KIAA0232: variants seen among roughly 807,000 people sequenced by gnomAD.
KIAA0232 encodes uncharacterized protein KIAA0232.
In KIAA0232, 27 loss-of-function variants were observed where a neutral mutation model predicts 122.0. The ratio of observed to expected loss-of-function variants is 0.22; its 90% CI spans 0.16 to 0.31. The LOEUF (loss-of-function observed/expected upper bound fraction) is 0.31. Among genes scored for constraint, KIAA0232 ranks in the 10% least tolerant of loss-of-function variants. KIAA0232 has a pLI of 1.00. For missense variants in KIAA0232, 1,551 were observed against 1,634.2 expected, an observed-to-expected ratio of 0.95 and a Z score of 0.88; for synonymous variants, 613 against 587.6, an observed-to-expected ratio of 1.04 and a Z score of -0.63.
chr4:6,861,923 T>A lies in KIAA0232; in HGVS notation c.1541T>A (p.Ile514Asn), dbSNP rs1720891396. 6.2e-7 allele frequency: 1 copy of A among 1,613,932 alleles called. No individual in the cohort carries two copies. Among genetic ancestry groups the A allele is most frequent in the African/African-American group, 1.3e-5 (1 of 74,924 alleles). Residue 514 changes from isoleucine (I) to asparagine (N), a missense_variant, in exon 7 of 10, where the codon ATT becomes AAT. This residue lies in a region of KIAA0232 where 1,108 missense variants were observed against 1,154.8 expected (regional missense o/e 0.96). Coordinates refer to ENST00000307659, the MANE Select transcript of KIAA0232 (RefSeq NM_014743.3). ...SELTHFYEVDIDQSMLDPGAS... is the reference protein window; with the variant it reads ...SELTHFYEVDNDQSMLDPGAS... ...TTAACGCACTTCTATGAAGTGGATATTGATCAATCCATGTTGGATCCTGGT... is the reference window on the plus strand; with the variant it reads ...TTAACGCACTTCTATGAAGTGGATAATGATCAATCCATGTTGGATCCTGGT...
intron 4 of KIAA0232, among the ~76,000 whole-genome samples, chr4:6,849,049 G>C (rs1483567895): frequency 6.6e-6 from 1 of 152,222 alleles, no homozygotes; most frequent in South Asian, 2.1e-4. Flanking sequence ...GTTTGGAGAG[G>C]AGTAGTGCAA....
At chr4:6,790,392 C>CTTTT (rs10532360) in intron 1 of KIAA0232, among the ~76,000 whole-genome samples, 14 of 109,370 alleles carry the variant, frequency 1.3e-4, no homozygotes, top group Non-Finnish European at 1.9e-4. Context: ...TAAAAAAGGT[C>CTTTT]TTTTTTTTTT....
chr4:6,792,361 G>A (rs1455584472), intron 1 of KIAA0232, among the ~76,000 whole-genome samples: 4 of 151,948 alleles, frequency 2.6e-5, no homozygotes, highest in East Asian at 1.9e-4. Flanking sequence ...ACTTTCATGA[G>A]TAACCACCTT....
intron 3 of KIAA0232, among the ~76,000 whole-genome samples, chr4:6,831,372 TAGA>T (rs1176231112): frequency 6.6e-6 from 1 of 152,196 alleles, no homozygotes; most frequent in Non-Finnish European, 1.5e-5. Context: ...TGTCTTTTTC[TAGA>T]AGTTTTTTCT....
Position 6,861,274 on chromosome 4 carries a change from A to G in KIAA0232, c.892A>G (p.Ser298Gly). The change falls in exon 7 of 10, where the codon AGT (serine) becomes GGT (glycine). Residue 298 changes from serine to glycine, a missense_variant. Ser to Gly is a moderately conservative substitution (Grantham distance 56, BLOSUM62 0). Around this residue, in one of 5 missense-constraint regions of KIAA0232, gnomAD observed 377 missense variants for 381.7 expected, o/e 0.99. Coordinates refer to ENST00000307659, the MANE Select transcript of KIAA0232 (RefSeq NM_014743.3). ...TTCTGGCTCCAGTGAAGCAGGCTCA[A>G]GTTCCAGTGGGAATCAGGGAGAATT... ...WSSGSSEAGSSSSGNQGELKA... is the reference protein window; with the variant it reads ...WSSGSSEAGSGSSGNQGELKA... The G allele has an allele frequency of 1.9e-6, 3 of 1,614,182 alleles. No homozygotes were observed. The highest frequency in any genetic ancestry group is 2.5e-6 in the Non-Finnish European group (3 of 1,180,044).
intron 2 of KIAA0232, among the ~76,000 whole-genome samples, chr4:6,812,456 T>G (rs1368926147): frequency 4.6e-5 from 7 of 152,000 alleles, no homozygotes; most frequent in Non-Finnish European, 1.0e-4. Flanking sequence ...AGGCAGAATA[T>G]GAAAGTATAT....
chr4:6,863,510 A>T lies in KIAA0232; in HGVS notation c.3128A>T (p.Asp1043Val). 1 of 1,614,168 alleles carries T rather than the reference A, an allele frequency of 6.2e-7. No individual in the cohort carries two copies. The highest frequency in any genetic ancestry group is 8.5e-7 in the Non-Finnish European group (1 of 1,180,026). Residue 1043 changes from aspartate (D) to valine (V), a missense_variant, in exon 7 of 10, where the codon GAC becomes GTC. By Grantham distance (152) the Asp-to-Val change is radical. Around this residue, in one of 5 missense-constraint regions of KIAA0232, gnomAD observed 1,108 missense variants for 1,154.8 expected, o/e 0.96. Coordinates refer to ENST00000307659, the MANE Select transcript of KIAA0232 (RefSeq NM_014743.3). ...CTTGAATACTCATTTTCTTCCTTTG[A>T]CTTAAGCAATCCATTTTCACAAGTT... ...PGLEYSFSSF[D>V]LSNPFSQVLH...
intron 1 of KIAA0232, among the ~76,000 whole-genome samples, chr4:6,797,875 C>T (rs1041626076): frequency 3.3e-5 from 5 of 151,196 alleles, no homozygotes; most frequent in Admixed American, 1.3e-4. Flanking sequence ...ATCGAGACCA[C>T]GGTGAAACCC....
chr4:6,857,259 T>C, intron 5 of KIAA0232, 29 bp downstream of exon 5: 2 of 1,579,844 alleles, frequency 1.3e-6, no homozygotes, highest in Non-Finnish European at 8.6e-7. Context: ...TGCGCACACA[T>C]GCCAGGATTA....
chr4:6,794,691 T>C (rs1264532690), intron 1 of KIAA0232, among the ~76,000 whole-genome samples: 1 of 151,980 alleles, frequency 6.6e-6, no homozygotes, highest in Non-Finnish European at 1.5e-5. Context: ...GGAGAGCAAG[T>C]GAAAGGCCTT....
intron 1 of KIAA0232, among the ~76,000 whole-genome samples, chr4:6,795,702 C>G (rs956334742): frequency 2.6e-5 from 4 of 152,174 alleles, no homozygotes; most frequent in African/African-American, 4.8e-5. Context: ...AAGTAGTCCT[C>G]CCATTTCAGC....
In KIAA0232 at chr4:6,793,136, A is replaced by G. The variant is rs547274420; in HGVS notation, c.-354+10295A>G. 3.3e-5 allele frequency among the ~76,000 whole-genome samples: 5 copies of G among 152,248 alleles called. No individual in the cohort carries two copies. The South Asian group carries it at 1.0e-3, about 32-fold the overall frequency. On this transcript the variant is annotated intron_variant, in intron 1 of 9. Coordinates refer to ENST00000307659, the MANE Select transcript of KIAA0232 (RefSeq NM_014743.3). ...CTAATCCTGTTCCCTGTGAGTGACT[A>G]CCATTAACATTACCTAATGTTAACT...
At chr4:6,795,481 CATTA>C (rs1326420089) in intron 1 of KIAA0232, among the ~76,000 whole-genome samples, 58 of 152,262 alleles carry the variant, frequency 3.8e-4, no homozygotes, top group African/African-American at 1.3e-3. Context: ...TAACATATAT[CATTA>C]ATTTTTACCT....
intron 3 of KIAA0232, among the ~76,000 whole-genome samples, chr4:6,829,736 A>G (rs1305960008): frequency 6.6e-6 from 1 of 152,230 alleles, no homozygotes; most frequent in African/African-American, 2.4e-5. Flanking sequence ...AAAACATTTT[A>G]CAGTCTTACT....
chr4:6,814,851 T>C (rs533582472), intron 2 of KIAA0232, among the ~76,000 whole-genome samples: 1 of 152,288 alleles, frequency 6.6e-6, no homozygotes, highest in East Asian at 1.9e-4. Context: ...ATGGGAACTA[T>C]CTATATTGTT....
intron 3 of KIAA0232, among the ~76,000 whole-genome samples, chr4:6,841,805 G>C (rs1719676138): frequency 6.6e-6 from 1 of 152,158 alleles, no homozygotes; most frequent in Non-Finnish European, 1.5e-5. Flanking sequence ...AATCAAAGAA[G>C]ACCTAAATAA....
chr4:6,862,016 C>T lies in KIAA0232; in HGVS notation c.1634C>T (p.Thr545Ile). The change falls in exon 7 of 10, where the codon ACA becomes ATA. Residue 545 changes from threonine to isoleucine, a missense_variant. Thr to Ile is a moderately conservative substitution (Grantham distance 89). Around this residue, in one of 5 missense-constraint regions of KIAA0232, gnomAD observed 1,108 missense variants for 1,154.8 expected, o/e 0.96. Transcript: ENST00000307659. Reference protein sequence around the residue: ...NMIRQKSKENTDFEAECCIVL... With the variant: ...NMIRQKSKENIDFEAECCIVL... Reference sequence around the variant, plus strand: ...ATTCGACAGAAAAGCAAAGAGAACACAGATTTTGAGGCAGAATGTTGCATA... The same window carrying T: ...ATTCGACAGAAAAGCAAAGAGAACATAGATTTTGAGGCAGAATGTTGCATA... 1 of 1,614,164 alleles carries T rather than the reference C, an allele frequency of 6.2e-7. No homozygotes were observed. The highest frequency in any genetic ancestry group is 8.5e-7 in the Non-Finnish European group (1 of 1,180,034).
chr4:6,857,232 T>TG lies in KIAA0232; in HGVS notation c.436+3dup. ...TGAAAGACCTTCAGAGTAAGCAAGG[T>TG]GAGGTCAAAAGCACTGTGCGCACAC... On this transcript the variant is annotated splice_region_variant and intron_variant, in intron 5 of 9. Transcript: ENST00000307659. The TG allele has an allele frequency of 6.2e-7, 1 of 1,611,956 alleles. No individual in the cohort carries two copies. The highest frequency in any genetic ancestry group is 2.2e-5 in the East Asian group (1 of 44,756).
Position 6,825,251 on chromosome 4 carries a change from G to C in KIAA0232, c.231+567G>C, listed in dbSNP as rs182745429. Among the ~76,000 whole-genome samples, 261 of 152,240 alleles carry C rather than the reference G, an allele frequency of 1.7e-3. 4 individuals are homozygous for C. The highest frequency in any genetic ancestry group is 5.4e-4 in the Non-Finnish European group (37 of 68,012). The stretch of plus-strand genomic sequence containing the variant: ...ACATTTTATTTGACTTTGCCGCTGA[G>C]TTTATAGTGAGAAATTGGGCTGGGT... On this transcript the variant is annotated intron_variant, in intron 3 of 9. Coordinates refer to ENST00000307659, the MANE Select transcript of KIAA0232 (RefSeq NM_014743.3).
Sources: allele counts gnomAD v4.1 joint callset (sites outside exome capture counted in the v4.1 genomes callset), GRCh38; gene constraint gnomAD v4.1.1; regional missense constraint gnomAD v4.1.1; transcripts MANE v1.5; gene names NCBI Gene and HGNC (gene_info 2026-07-23, HGNC 2026-07-21).